Variants in EPHA3 observed in about 807,000 individuals in gnomAD.
EPHA3 encodes the protein ephrin type-A receptor 3.
EPHA3 carries 42 observed loss-of-function variants against 107.1 expected under a neutral mutation model. That is an observed-to-expected ratio of 0.39 (90% CI 0.31 to 0.51). The LOEUF is 0.51. Ranked by LOEUF, EPHA3 falls within the 20% of genes least tolerant of loss-of-function variation. The probability of loss-of-function intolerance (pLI) is 0.78; values close to 1 mark genes in which losing one functional copy is unlikely to be tolerated. For missense variants in EPHA3, 1,183 were observed against 1,211.2 expected (o/e 0.98, Z 0.35); for synonymous variants, 461 against 424.8 (o/e 1.09, Z -1.05).
At chr3:89,365,269 C>T (rs1708165481) in intron 5 of EPHA3, among the ~76,000 whole-genome samples, 1 of 150,534 alleles carries the variant, frequency 6.6e-6, no homozygotes, top group Non-Finnish European at 1.5e-5. Context: ...AGATAATTGT[C>T]CCCTCAGATA....
At chr3:89,242,345 T>A (rs1425723413) in intron 3 of EPHA3, among the ~76,000 whole-genome samples, 1 of 152,240 alleles carries the variant, frequency 6.6e-6, no homozygotes, top group Non-Finnish European at 1.5e-5. Context: ...TTAGAATGAC[T>A]GTAAGTTTCA....
intron 3 of EPHA3, among the ~76,000 whole-genome samples, chr3:89,326,187 G>A (rs1707162781): frequency 6.6e-6 from 1 of 152,034 alleles, no homozygotes; most frequent in African/African-American, 2.4e-5. Flanking sequence ...CAGGACCCCT[G>A]AGGATACCAA....
At chr3:89,315,072 G>A (rs1388905343) in intron 3 of EPHA3, among the ~76,000 whole-genome samples, 3 of 151,734 alleles carry the variant, frequency 2.0e-5, no homozygotes, top group Admixed American at 1.3e-4. Context: ...CATAGAAAAG[G>A]TATAGTAAAA....
In EPHA3 at chr3:89,248,819, T is replaced by C. The variant is rs1008308209; in HGVS notation, c.814+38299T>C. Among the ~76,000 whole-genome samples, 155 of 152,328 alleles carry C rather than the reference T, an allele frequency of 1.0e-3. 1 individual carries two copies. The highest frequency in any genetic ancestry group is 3.7e-3 in the African/African-American group (153 of 41,580). The stretch of plus-strand genomic sequence containing the variant: ...ATTTGGAAAAGAATCACTTTGCTTC[T>C]ACATAAATTCATGTTCTTTAAAGGA... On this transcript the variant is annotated intron_variant, in intron 3 of 16. Coordinates refer to ENST00000336596, the MANE Select transcript of EPHA3 (RefSeq NM_005233.6).
intron 15 of EPHA3, among the ~76,000 whole-genome samples, chr3:89,466,913 T>C (rs1193099266): frequency 6.6e-6 from 1 of 151,864 alleles, no homozygotes; most frequent in Admixed American, 6.6e-5. Flanking sequence ...CACGGAGGAA[T>C]TAAACCAGGT....
At chr3:89,432,724 A>C in intron 13 of EPHA3, among the ~76,000 whole-genome samples, 1 of 152,276 alleles carries the variant, frequency 6.6e-6, no homozygotes, top group Non-Finnish European at 1.5e-5. Flanking sequence ...TTTTTTAAAT[A>C]AATTTTCACA....
intron 13 of EPHA3, among the ~76,000 whole-genome samples, chr3:89,440,019 G>C (rs1284425357): frequency 6.6e-6 from 1 of 152,036 alleles, no homozygotes; most frequent in Non-Finnish European, 1.5e-5. Flanking sequence ...ATGAGGTTTT[G>C]CTACCTAAAG....
intron 13 of EPHA3, among the ~76,000 whole-genome samples, chr3:89,439,791 C>T (rs1302897254): frequency 6.6e-6 from 1 of 151,726 alleles, no homozygotes; most frequent in African/African-American, 2.4e-5. Context: ...ACTTACTCCC[C>T]GATGTTTGCA....
intron 3 of EPHA3, among the ~76,000 whole-genome samples, chr3:89,318,075 T>G (rs951743451): frequency 2.6e-5 from 4 of 152,000 alleles, no homozygotes; most frequent in South Asian, 2.1e-4. Context: ...ATTACATGCG[T>G]TCCAGACATC....
Position 89,382,876 on chromosome 3 carries a change from T to C in EPHA3, c.1307-12961T>C, listed in dbSNP as rs1017380617. ...GACTAACATTTGCTATCTCTAAGAA[T>C]TGAAGAATTGACTAGCCCTAGAAGA... On this transcript the variant is annotated intron_variant, in intron 5 of 16. Transcript: ENST00000336596. Among the ~76,000 whole-genome samples, 10 of 152,270 alleles carry C rather than the reference T, an allele frequency of 6.6e-5. No homozygotes were observed. The South Asian group carries it at 8.3e-4, about 13-fold the overall frequency.
chr3:89,450,771 G>A (rs1337986723), intron 15 of EPHA3, among the ~76,000 whole-genome samples: 1 of 152,062 alleles, frequency 6.6e-6, no homozygotes, highest in Non-Finnish European at 1.5e-5. Flanking sequence ...GCCTGGTGTG[G>A]TGGCAGGCAC....
intron 3 of EPHA3, among the ~76,000 whole-genome samples, chr3:89,235,318 G>A (rs1704733044): frequency 6.6e-6 from 1 of 152,012 alleles, no homozygotes; most frequent in African/African-American, 2.4e-5. Context: ...CTTTAATACT[G>A]TTTCGACATT....
chr3:89,145,494 A>G (rs920733820), intron 2 of EPHA3, among the ~76,000 whole-genome samples: 1 of 151,844 alleles, frequency 6.6e-6, no homozygotes, highest in Admixed American at 6.6e-5. Context: ...AATGATCTTC[A>G]TAATATAGCT....
At chr3:89,209,733 TA>T in intron 2 of EPHA3, 126 bp from the exon 3 acceptor site, 1 of 814,896 alleles carries the variant, frequency 1.2e-6, no homozygotes, top group Non-Finnish European at 1.8e-6. Flanking sequence ...AAATAAAAAC[TA>T]CAAACAAGAA....
chr3:89,394,768 A>G (rs1377583549), intron 5 of EPHA3, among the ~76,000 whole-genome samples: 1 of 152,224 alleles, frequency 6.6e-6, no homozygotes, highest in African/African-American at 2.4e-5. Context: ...CTATATAAAA[A>G]TAAGTGCTTT....
chr3:89,333,839 C>T (rs1429112158), intron 3 of EPHA3, among the ~76,000 whole-genome samples: 1 of 151,842 alleles, frequency 6.6e-6, no homozygotes, highest in African/African-American at 2.4e-5. Context: ...GCTGCTAATT[C>T]CAGCCTGGGT....
At chr3:89,402,550 A>G (rs983189066) in intron 7 of EPHA3, among the ~76,000 whole-genome samples, 3 of 152,172 alleles carry the variant, frequency 2.0e-5, no homozygotes, top group African/African-American at 7.2e-5. Context: ...ATTAAATCAA[A>G]ATGACATATT....
intron 11 of EPHA3, among the ~76,000 whole-genome samples, chr3:89,424,647 A>G (rs1709421815): frequency 6.6e-6 from 1 of 151,372 alleles, no homozygotes; most frequent in Admixed American, 6.6e-5. Context: ...AGCTTTTCCA[A>G]TTAGGCAAGC....
At chr3:89,185,941 C>G (rs1259653552) in intron 2 of EPHA3, among the ~76,000 whole-genome samples, 1 of 152,078 alleles carries the variant, frequency 6.6e-6, no homozygotes, top group Non-Finnish European at 1.5e-5. Flanking sequence ...ATGCATATTA[C>G]AAATAATGCT....
Sources: gnomAD v4.1 joint callset for allele counts (sites outside exome capture counted in the v4.1 genomes callset) on GRCh38, gnomAD v4.1.1 for gene constraint, MANE v1.5 for transcripts, NCBI Gene and HGNC (gene_info 2026-07-23, HGNC 2026-07-21) for gene names.